The following LRP1B variants were observed in gnomAD, a reference collection of about 807,000 sequenced individuals.
The protein encoded by LRP1B is LDL receptor related protein 1B.
A neutral mutation model predicts 556.6 loss-of-function variants in LRP1B; 217 were observed. The ratio of observed to expected loss-of-function variants is 0.39; its 90% CI spans 0.35 to 0.44. The LOEUF (loss-of-function observed/expected upper bound fraction) is 0.44. Among genes scored for constraint, LRP1B ranks in the 20% least tolerant of loss-of-function variants. The pLI is 1.00. For missense variants in LRP1B, 5,053 were observed against 5,620.8 expected, an observed-to-expected ratio of 0.90 and a Z score of 3.23; for synonymous variants, 2,047 against 1,865.8, an observed-to-expected ratio of 1.10 and a Z score of -2.50.
At chr2:140,425,396 C>A (rs948199080) in intron 66 of LRP1B, among the ~76,000 whole-genome samples, 1 of 151,990 alleles carries the variant, frequency 6.6e-6, no homozygotes, top group African/African-American at 2.4e-5. Context: ...TATCTGTTCA[C>A]CCACTTTCTT....
chr2:140,402,721 C>A (rs1684561798), intron 66 of LRP1B, among the ~76,000 whole-genome samples: 1 of 152,164 alleles, frequency 6.6e-6, no homozygotes, highest in Non-Finnish European at 1.5e-5. Flanking sequence ...CAGCCACCCT[C>A]ATAAAGGCTG....
intron 7 of LRP1B, among the ~76,000 whole-genome samples, chr2:141,125,863 A>AAAAC (rs1701193293): frequency 1.3e-5 from 2 of 150,004 alleles, no homozygotes; most frequent in African/African-American, 4.9e-5. Flanking sequence ...AAAAAAAAAC[A>AAAAC]AAAAACCTCC....
intron 5 of LRP1B, among the ~76,000 whole-genome samples, chr2:141,246,747 C>A (rs1684082505): frequency 6.6e-6 from 1 of 152,076 alleles, no homozygotes; most frequent in Non-Finnish European, 1.5e-5. Context: ...GGTGAATCGC[C>A]TGAGGCCAGG....
Position 140,315,892 on chromosome 2 carries a change from T to G in LRP1B, c.12641-793A>C, listed in dbSNP as rs186516349. 5.9e-5 allele frequency among the ~76,000 whole-genome samples: 9 copies of G among 151,908 alleles called. No individual in the cohort carries two copies. In the East Asian group the frequency reaches 1.4e-3, roughly 23 times the overall value. On this transcript the variant is annotated intron_variant, in intron 82 of 90. Transcript: ENST00000389484. Reference sequence around the variant, plus strand: ...ATAAATCTCCCAAACTAAAAGTCATTGAGATTTGGTACAAGTTGGTGACAG... The same window carrying G: ...ATAAATCTCCCAAACTAAAAGTCATGGAGATTTGGTACAAGTTGGTGACAG...
intron 1 of LRP1B, among the ~76,000 whole-genome samples, chr2:141,981,922 A>G (rs1702052913): frequency 6.6e-6 from 1 of 152,102 alleles, no homozygotes; most frequent in Non-Finnish European, 1.5e-5. Flanking sequence ...GGAGACAATG[A>G]AAGTCATGTC....
At chr2:141,194,878 G>A (rs1225937762) in intron 6 of LRP1B, among the ~76,000 whole-genome samples, 22 of 151,948 alleles carry the variant, frequency 1.4e-4, no homozygotes, top group Admixed American at 1.4e-3. Flanking sequence ...TCTCCCAGAG[G>A]GAACAAAAAG....
Position 141,947,824 on chromosome 2 carries a change from A to AC in LRP1B, c.83-137424_83-137423insG, listed in dbSNP as rs1553489524. 2.6e-3 allele frequency among the ~76,000 whole-genome samples: 386 copies of AC among 149,200 alleles called. 2 individuals carry two copies. The highest frequency in any genetic ancestry group is 4.1e-3 in the Non-Finnish European group (279 of 67,424). On this transcript the variant is annotated intron_variant, in intron 1 of 90. Transcript: ENST00000389484. ...TTTTTTTTTAAATATCAGAAAAAAA[A>AC]AACAACAATACTGAAAGGATGTTTC...
At chr2:141,473,232 TA>T (rs1434365119) in intron 3 of LRP1B, among the ~76,000 whole-genome samples, 6 of 152,148 alleles carry the variant, frequency 3.9e-5, no homozygotes, top group African/African-American at 1.4e-4. Flanking sequence ...TGAACATACA[TA>T]CATACATATG....
At chr2:140,248,596 T>C (rs191197908) in intron 86 of LRP1B, among the ~76,000 whole-genome samples, 35 of 151,710 alleles carry the variant, frequency 2.3e-4, no homozygotes, top group Middle Eastern at 3.4e-3. Context: ...TCTGTATTAA[T>C]AGAGTTAGGT....
intron 7 of LRP1B, among the ~76,000 whole-genome samples, chr2:141,112,330 A>G (rs551614316): frequency 2.0e-3 from 307 of 152,238 alleles, no homozygotes; most frequent in Middle Eastern, 6.8e-3. Flanking sequence ...TTCAGCTTTC[A>G]TACTGTGAAT....
chr2:141,568,406 T>C (rs1240465795), intron 2 of LRP1B, among the ~76,000 whole-genome samples: 2 of 151,122 alleles, frequency 1.3e-5, no homozygotes, highest in Non-Finnish European at 3.0e-5. Flanking sequence ...AAAGGTAAAA[T>C]GAGTTGAAGT....
intron 3 of LRP1B, among the ~76,000 whole-genome samples, chr2:141,398,379 T>C (rs185432768): frequency 1.5e-3 from 233 of 152,252 alleles, no homozygotes; most frequent in African/African-American, 5.4e-3. Context: ...AAAGAACTAA[T>C]GTAACTGTAA....
At chr2:140,952,517 A>G (rs1441753299) in intron 18 of LRP1B, among the ~76,000 whole-genome samples, 1 of 152,064 alleles carries the variant, frequency 6.6e-6, no homozygotes, top group Non-Finnish European at 1.5e-5. Context: ...CAAAACAACA[A>G]CAACAAAAAA....
intron 23 of LRP1B, among the ~76,000 whole-genome samples, chr2:140,890,089 A>G (rs1693753533): frequency 1.5e-5 from 1 of 68,210 alleles, no homozygotes; most frequent in South Asian, 8.5e-4. Flanking sequence ...TCTCAAAATC[A>G]TATTTATTAG....
Position 141,091,712 on chromosome 2 carries a change from AAATG to A in LRP1B, c.1014-29443_1014-29440del, listed in dbSNP as rs368284138. 1.6e-4 allele frequency among the ~76,000 whole-genome samples: 25 copies of A among 152,352 alleles called. No individual in the cohort carries two copies. In the East Asian group the frequency reaches 2.1e-3, roughly 13 times the overall value. On this transcript the variant is annotated intron_variant, in intron 7 of 90. Transcript: ENST00000389484. ...ACTGAGCTGGAATAAGGAAGTTGGAAAATGAATGAAGGAATACAAATTATTATAA... is the reference window on the plus strand; with the variant it reads ...ACTGAGCTGGAATAAGGAAGTTGGAAAATGAAGGAATACAAATTATTATAA...
chr2:141,516,327 A>G (rs1290545528), intron 2 of LRP1B, among the ~76,000 whole-genome samples: 1 of 152,146 alleles, frequency 6.6e-6, no homozygotes, highest in Non-Finnish European at 1.5e-5. Context: ...TTATGCTCAA[A>G]TCTCCTCTTT....
intron 6 of LRP1B, among the ~76,000 whole-genome samples, chr2:141,223,706 T>A (rs1452564600): frequency 1.3e-5 from 2 of 152,048 alleles, no homozygotes; most frequent in South Asian, 4.1e-4. Flanking sequence ...TGGAACAGAA[T>A]AGAGAACTCA....
chr2:141,732,490 C>T (rs1227767263), intron 2 of LRP1B, among the ~76,000 whole-genome samples: 3 of 152,066 alleles, frequency 2.0e-5, no homozygotes, highest in Non-Finnish European at 4.4e-5. Flanking sequence ...ACCAACCCTT[C>T]GTCTTTCTGT....
Position 141,007,755 on chromosome 2 carries a change from C to G in LRP1B, c.2381-2298G>C, listed in dbSNP as rs116087824. Among the ~76,000 whole-genome samples, 688 of 151,606 alleles carry G rather than the reference C, an allele frequency of 4.5e-3. 6 individuals carry two copies. Among genetic ancestry groups the G allele is most frequent in the Non-Finnish European group, 7.0e-3 (471 of 67,688 alleles). ...ATAAGGAATTACTGACATTTTGAAA[C>G]GTTGAAATTATATGCTAAATATCAT... On this transcript the variant is annotated intron_variant, in intron 14 of 90. Transcript: ENST00000389484.
Sources: gnomAD v4.1 joint callset for allele counts (sites outside exome capture counted in the v4.1 genomes callset) on GRCh38, gnomAD v4.1.1 for gene constraint, MANE v1.5 for transcripts, NCBI Gene and HGNC (gene_info 2026-07-23, HGNC 2026-07-21) for gene names.